The following CADM2 variants were observed in gnomAD, a reference collection of about 807,000 sequenced individuals.
CADM2 encodes immunoglobulin superfamily member 4D.
Under a neutral mutation model 49.8 loss-of-function variants are expected in CADM2, and 12 were observed. That is an observed-to-expected ratio of 0.24 (90% CI 0.15 to 0.39). The LOEUF is 0.39. CADM2 is among the 10% of genes least tolerant of loss of function. CADM2 has a pLI of 1.00. For synonymous variants in CADM2, 214 were observed against 175.4 expected (o/e 1.22, Z -1.74); for missense variants, 378 against 492.3 (o/e 0.77, Z 2.20).
At chr3:85,087,556 C>G (rs1312485821) in intron 1 of CADM2, among the ~76,000 whole-genome samples, 1 of 152,014 alleles carries the variant, frequency 6.6e-6, no homozygotes, top group Non-Finnish European at 1.5e-5. Context: ...CGAATTTTTA[C>G]TACAAAGAAG....
chr3:85,484,383 A>G (rs1211376692), intron 1 of CADM2, among the ~76,000 whole-genome samples: 1 of 151,966 alleles, frequency 6.6e-6, no homozygotes, highest in African/African-American at 2.4e-5. Context: ...TCTTAGGATT[A>G]TGTAAACCTT....
intron 1 of CADM2, among the ~76,000 whole-genome samples, chr3:85,205,597 G>C (rs890141574): frequency 1.3e-5 from 2 of 151,926 alleles, no homozygotes; most frequent in Non-Finnish European, 2.9e-5. Context: ...TTCAAATTAT[G>C]TTTAAAAAGA....
At chr3:86,048,110 T>G (rs1026920160) in intron 8 of CADM2, among the ~76,000 whole-genome samples, 1 of 152,136 alleles carries the variant, frequency 6.6e-6, no homozygotes, top group African/African-American at 2.4e-5. Context: ...CTTATTTATC[T>G]TTGGAGGATG....
intron 1 of CADM2, among the ~76,000 whole-genome samples, chr3:85,510,251 T>C (rs1181642036): frequency 6.6e-6 from 1 of 152,008 alleles, no homozygotes; most frequent in Non-Finnish European, 1.5e-5. Flanking sequence ...AGAAGTCCCT[T>C]TGAGATAAAT....
At chr3:85,883,540 A>G in intron 4 of CADM2, 97 bp downstream of exon 4, 1 of 1,030,694 alleles carries the variant, frequency 9.7e-7, no homozygotes, top group Non-Finnish European at 1.4e-6. Context: ...TTTGAAGATT[A>G]TATGAATAGA....
chr3:85,562,500 A>T (rs1447625196), intron 1 of CADM2, among the ~76,000 whole-genome samples: 1 of 149,964 alleles, frequency 6.7e-6, no homozygotes, highest in Non-Finnish European at 1.5e-5. Flanking sequence ...AAAAAAAAAA[A>T]AAAAGACCTA....
At chr3:85,718,880 A>ATTTTAT (rs2067393547) in intron 1 of CADM2, among the ~76,000 whole-genome samples, 1 of 123,778 alleles carries the variant, frequency 8.1e-6, no homozygotes, top group African/African-American at 3.1e-5. Flanking sequence ...AATTAATGGT[A>ATTTTAT]TTTTATTATT....
chr3:85,431,787 G>A (rs1416359721), intron 1 of CADM2, among the ~76,000 whole-genome samples: 1 of 136,342 alleles, frequency 7.3e-6, no homozygotes, highest in Non-Finnish European at 1.6e-5. Flanking sequence ...ATTGAGAGGG[G>A]AAAAAAAAGA....
intron 1 of CADM2, among the ~76,000 whole-genome samples, chr3:85,718,882 T>TGTATTA (rs1231599015): frequency 3.6e-4 from 51 of 141,338 alleles, no homozygotes; most frequent in African/African-American, 1.2e-3. Flanking sequence ...TTAATGGTAT[T>TGTATTA]TTATTATTAT....
chr3:85,126,357 G>T (rs188812752), intron 1 of CADM2, among the ~76,000 whole-genome samples: 16 of 152,102 alleles, frequency 1.1e-4, no homozygotes, highest in Non-Finnish European at 1.8e-4. Context: ...ACATATGGGT[G>T]GAGTCTGAAA....
intron 1 of CADM2, among the ~76,000 whole-genome samples, chr3:85,402,317 T>G (rs1353146612): frequency 1.3e-5 from 2 of 151,942 alleles, no homozygotes; most frequent in Non-Finnish European, 2.9e-5. Context: ...TTTAAATATA[T>G]AAGTTCTATT....
chr3:85,332,984 G>A (rs1489571585), intron 1 of CADM2, among the ~76,000 whole-genome samples: 1 of 151,764 alleles, frequency 6.6e-6, no homozygotes, highest in African/African-American at 2.4e-5. Flanking sequence ...TTTAAAATAA[G>A]TTTTGCTTCG....
intron 1 of CADM2, among the ~76,000 whole-genome samples, chr3:85,719,039 A>G (rs1455925610): frequency 6.6e-6 from 1 of 151,680 alleles, no homozygotes; most frequent in African/African-American, 2.4e-5. Context: ...CAGCCACCCA[A>G]GTAGTTGGGA....
intron 1 of CADM2, among the ~76,000 whole-genome samples, chr3:85,117,194 C>T (rs976413779): frequency 6.6e-6 from 1 of 151,576 alleles, no homozygotes; most frequent in Non-Finnish European, 1.5e-5. Flanking sequence ...GCACTTCAGC[C>T]CAGGCTACAG....
At chr3:85,597,994 T>C (rs1312378704) in intron 1 of CADM2, among the ~76,000 whole-genome samples, 1 of 152,078 alleles carries the variant, frequency 6.6e-6, no homozygotes, top group Non-Finnish European at 1.5e-5. Flanking sequence ...ACAGATTCTC[T>C]TTTTGTAACA....
At chr3:85,541,640 A>G (rs1387375211) in intron 1 of CADM2, among the ~76,000 whole-genome samples, 3 of 148,424 alleles carry the variant, frequency 2.0e-5, no homozygotes, top group South Asian at 4.2e-4. Flanking sequence ...CACAATTACA[A>G]TGAAAAAAAA....
chr3:85,442,790 A>G, intron 1 of CADM2, among the ~76,000 whole-genome samples: 1 of 151,390 alleles, frequency 6.6e-6, no homozygotes, highest in East Asian at 1.9e-4. Context: ...CTGCATGAAT[A>G]TTTTGAAGAG....
intron 8 of CADM2, among the ~76,000 whole-genome samples, chr3:85,977,230 A>T (rs2108657974): frequency 6.6e-6 from 1 of 151,500 alleles, no homozygotes; most frequent in Non-Finnish European, 1.5e-5. Flanking sequence ...TTAATAATTC[A>T]GTGATGGGGC....
At chr3:85,314,612 A>G (rs1477870874) in intron 1 of CADM2, among the ~76,000 whole-genome samples, 1 of 152,174 alleles carries the variant, frequency 6.6e-6, no homozygotes, top group Non-Finnish European at 1.5e-5. Flanking sequence ...AGTTATATCT[A>G]TATTTTATTA....
Sources: allele counts gnomAD v4.1 joint callset (sites outside exome capture counted in the v4.1 genomes callset), GRCh38; gene constraint gnomAD v4.1.1; transcripts MANE v1.5; gene names NCBI Gene and HGNC (gene_info 2026-07-23, HGNC 2026-07-21).